Variants in SUGCT observed in about 807,000 individuals in gnomAD.
SUGCT encodes the protein succinyl-CoA:glutarate-CoA transferase, also known as succinyl-CoA:glutarate CoA-transferase.
In SUGCT, 41 loss-of-function variants were observed where a neutral mutation model predicts 55.0. The ratio of observed to expected loss-of-function variants is 0.74; its 90% confidence interval spans 0.58 to 0.97. The LOEUF is 0.97. Among genes scored for constraint, SUGCT ranks in the 50% least tolerant of loss-of-function variants. The probability of loss-of-function intolerance (pLI) is 0.00; values close to 1 mark genes in which losing one functional copy is unlikely to be tolerated. For missense variants in SUGCT, 568 were observed against 547.8 expected (o/e 1.04, Z -0.37); for synonymous variants, 187 against 200.4 (o/e 0.93, Z 0.56).
chr7:40,547,569 C>T (rs1044544956), intron 12 of SUGCT, among the ~76,000 whole-genome samples: 1 of 151,990 alleles, frequency 6.6e-6, no homozygotes, highest in African/African-American at 2.4e-5. Flanking sequence ...CCAGATTGTT[C>T]TGAGATACTA....
intron 8 of SUGCT, among the ~76,000 whole-genome samples, chr7:40,306,055 C>T (rs10251283): frequency 2.6e-5 from 4 of 151,912 alleles, no homozygotes; most frequent in African/African-American, 9.7e-5. Context: ...TATCTCTCCT[C>T]TCCTTTTTAC....
At chr7:40,940,831 A>G in the SUGCT span, among the ~76,000 whole-genome samples, 3 of 152,044 alleles carry the variant, frequency 2.0e-5, no homozygotes, top group African/African-American at 7.2e-5. Context: ...AGACAGTTGG[A>G]TATCCTCTTT....
chr7:40,970,320 C>T, the SUGCT span, among the ~76,000 whole-genome samples: 9 of 152,204 alleles, frequency 5.9e-5, no homozygotes, highest in Admixed American at 2.6e-4. Context: ...TACAGGCACT[C>T]GCCACCATGC....
chr7:40,514,051 A>G (rs1301723184), intron 12 of SUGCT, among the ~76,000 whole-genome samples: 3 of 151,964 alleles, frequency 2.0e-5, no homozygotes, highest in Admixed American at 6.6e-5. Context: ...CGGCCTCCCA[A>G]AGTGCTGGGA....
the SUGCT span, among the ~76,000 whole-genome samples, chr7:40,921,321 G>T: frequency 8.5e-5 from 13 of 152,108 alleles, no homozygotes. Flanking sequence ...AAACAAAGAA[G>T]CACAGGTCCC....
At chr7:40,828,261 C>T (rs1422672906) in intron 13 of SUGCT, among the ~76,000 whole-genome samples, 1 of 152,140 alleles carries the variant, frequency 6.6e-6, no homozygotes, top group Admixed American at 6.6e-5. Flanking sequence ...ACCTCTATCC[C>T]CAACCCATGG....
chr7:40,370,689 G>C (rs1784253622), intron 9 of SUGCT, among the ~76,000 whole-genome samples: 1 of 151,722 alleles, frequency 6.6e-6, no homozygotes, highest in Non-Finnish European at 1.5e-5. Flanking sequence ...GTTAAATGTG[G>C]TATCTCTTGG....
At chr7:40,284,467 G>T (rs577818777) in intron 8 of SUGCT, among the ~76,000 whole-genome samples, 10 of 152,048 alleles carry the variant, frequency 6.6e-5, no homozygotes, top group Admixed American at 5.9e-4. Context: ...AATTAGCCAG[G>T]TGTGGTGGCG....
At chr7:41,001,232 G>T in the SUGCT span, among the ~76,000 whole-genome samples, 1 of 152,220 alleles carries the variant, frequency 6.6e-6, no homozygotes, top group East Asian at 1.9e-4. Flanking sequence ...AACATTTAAG[G>T]TCAATTAGAG....
chr7:40,545,021 A>G (rs963428800), intron 12 of SUGCT, among the ~76,000 whole-genome samples: 2 of 152,182 alleles, frequency 1.3e-5, no homozygotes, highest in African/African-American at 2.4e-5. Context: ...TTCCCACAAC[A>G]TGTCCACATA....
In SUGCT at chr7:40,347,295, G is replaced by A. The variant is rs556941848; in HGVS notation, c.816+30440G>A. On this transcript the variant is annotated intron_variant, in intron 9 of 13. Transcript: ENST00000335693. ...GGAATGTAAAATCCATTGTGGTGAGGCCTCACAAGGAAATGAGGAACAGGT... is the reference window on the plus strand; with the variant it reads ...GGAATGTAAAATCCATTGTGGTGAGACCTCACAAGGAAATGAGGAACAGGT... 7.2e-5 allele frequency among the ~76,000 whole-genome samples: 11 copies of A among 152,314 alleles called. 1 individual carries two copies. The South Asian group carries it at 2.1e-3, about 29-fold the overall frequency.
chr7:40,623,329 G>A lies in SUGCT; in HGVS notation c.1090-126105G>A, dbSNP rs147647805. Among the ~76,000 whole-genome samples, 429 of 152,192 alleles carry A rather than the reference G, an allele frequency of 2.8e-3. 3 individuals are homozygous for A. Among genetic ancestry groups the A allele is most frequent in the African/African-American group, 9.7e-3 (404 of 41,514 alleles). On this transcript the variant is annotated intron_variant, in intron 12 of 13. Transcript: ENST00000335693. ...ATCCCCAGGATTTTAGACTTTGTCC[G>A]TAAATATTTATCCCATAATACTAAA... is the stretch of plus-strand genomic sequence containing the variant.
intron 3 of SUGCT, among the ~76,000 whole-genome samples, chr7:40,183,859 A>G (rs1281387527): frequency 3.3e-5 from 5 of 151,988 alleles, no homozygotes; most frequent in African/African-American, 1.2e-4. Flanking sequence ...TCAAGCTGTT[A>G]TTGATAAAGT....
At chr7:40,581,500 G>T (rs1186697239) in intron 12 of SUGCT, among the ~76,000 whole-genome samples, 1 of 152,108 alleles carries the variant, frequency 6.6e-6, no homozygotes, top group Admixed American at 6.6e-5. Flanking sequence ...GTTTTCTTGG[G>T]GAAAGATGTG....
At chr7:40,403,030 T>G (rs1398472632) in intron 9 of SUGCT, among the ~76,000 whole-genome samples, 1 of 152,212 alleles carries the variant, frequency 6.6e-6, no homozygotes, top group African/African-American at 2.4e-5. Flanking sequence ...CATTGTCTGG[T>G]CTCAATATCT....
intron 1 of SUGCT, among the ~76,000 whole-genome samples, chr7:40,147,416 G>A (rs1584176233): frequency 6.6e-6 from 1 of 152,118 alleles, no homozygotes; most frequent in East Asian, 1.9e-4. Flanking sequence ...TCCCGACTAA[G>A]GAATACTTCA....
intron 8 of SUGCT, among the ~76,000 whole-genome samples, chr7:40,288,279 C>T (rs371321707): frequency 6.6e-6 from 1 of 151,620 alleles, no homozygotes; most frequent in Admixed American, 6.6e-5. Context: ...TGGTAGAATT[C>T]ATCATTGAAG....
At chr7:40,891,177 C>T in the SUGCT span, among the ~76,000 whole-genome samples, 1 of 151,936 alleles carries the variant, frequency 6.6e-6, no homozygotes, top group Non-Finnish European at 1.5e-5. Flanking sequence ...TCAAGGGAAC[C>T]CAATATAAGC....
the SUGCT span, among the ~76,000 whole-genome samples, chr7:40,959,726 A>C: frequency 6.6e-6 from 1 of 152,026 alleles, no homozygotes; most frequent in Admixed American, 6.6e-5. Flanking sequence ...AAAAAAAAAA[A>C]AAAACTCCTA....
Sources: gnomAD v4.1 joint callset for allele counts (sites outside exome capture counted in the v4.1 genomes callset) on GRCh38, gnomAD v4.1.1 for gene constraint, MANE v1.5 for transcripts, NCBI Gene and HGNC (gene_info 2026-07-23, HGNC 2026-07-21) for gene names.